RABGAP1L: variants seen among roughly 807,000 people sequenced by gnomAD.
The protein encoded by RABGAP1L is rab GTPase-activating protein 1-like.
Under a neutral mutation model 137.7 loss-of-function variants are expected in RABGAP1L, and 63 were observed. The observed-to-expected ratio is 0.46, with a 90% confidence interval of 0.37 to 0.56. The LOEUF (loss-of-function observed/expected upper bound fraction) is 0.56. Ranked by LOEUF, RABGAP1L falls within the 20% of genes least tolerant of loss-of-function variation. The probability of loss-of-function intolerance (pLI) is 0.00; values close to 1 mark genes in which losing one functional copy is unlikely to be tolerated. For missense variants in RABGAP1L, 1,095 were observed against 1,244.0 expected (o/e 0.88, Z 1.80); for synonymous variants, 431 against 433.7 (o/e 0.99, Z 0.08).
intron 1 of RABGAP1L, among the ~76,000 whole-genome samples, chr1:174,200,867 T>C (rs12691474): frequency 0.5 from 75,991 of 152,058 alleles, 21,510 homozygotes; most frequent in African/African-American, 0.78. Flanking sequence ...TGTCTTTTGT[T>C]TTGAAAAAAG....
At chr1:174,162,755 T>G (rs77793145) in intron 1 of RABGAP1L, among the ~76,000 whole-genome samples, 2 of 137,002 alleles carry the variant, frequency 1.5e-5, no homozygotes, top group Non-Finnish European at 3.1e-5. Context: ...TGGTATTTCT[T>G]TTTTTTTTTT....
intron 20 of RABGAP1L, among the ~76,000 whole-genome samples, chr1:174,968,519 T>C (rs868005963): frequency 1.3e-5 from 2 of 152,018 alleles, no homozygotes; most frequent in Non-Finnish European, 2.9e-5. Flanking sequence ...TTTTCTTTCT[T>C]TTTGTTTGTT....
intron 14 of RABGAP1L, among the ~76,000 whole-genome samples, chr1:174,641,109 T>C (rs1489860585): frequency 6.6e-6 from 1 of 151,746 alleles, no homozygotes; most frequent in East Asian, 1.9e-4. Flanking sequence ...ACTGGAGATA[T>C]AATATGCTGT....
chr1:174,289,874 C>T (rs567054241), intron 10 of RABGAP1L, among the ~76,000 whole-genome samples: 5 of 152,026 alleles, frequency 3.3e-5, no homozygotes, highest in Non-Finnish European at 7.4e-5. Context: ...CAAAGTTAGG[C>T]GGGGTTGCTG....
chr1:174,963,510 G>A (rs184314993), intron 20 of RABGAP1L, among the ~76,000 whole-genome samples: 12 of 152,076 alleles, frequency 7.9e-5, no homozygotes, highest in Non-Finnish European at 1.3e-4. Flanking sequence ...GATCTTCAGA[G>A]TTTTCAAGAA....
chr1:174,358,817 G>T (rs1683880658), intron 11 of RABGAP1L, among the ~76,000 whole-genome samples: 1 of 152,086 alleles, frequency 6.6e-6, no homozygotes, highest in Admixed American at 6.6e-5. Context: ...CACTCATTCA[G>T]GAAATTTTGA....
At chr1:174,345,103 T>C (rs938128888) in intron 11 of RABGAP1L, among the ~76,000 whole-genome samples, 4 of 152,194 alleles carry the variant, frequency 2.6e-5, no homozygotes, top group Non-Finnish European at 5.9e-5. Flanking sequence ...TATAGACATA[T>C]GGATTTATTT....
chr1:174,354,682 AT>A (rs1303200408), intron 11 of RABGAP1L, among the ~76,000 whole-genome samples: 3 of 152,046 alleles, frequency 2.0e-5, no homozygotes, highest in Non-Finnish European at 4.4e-5. Context: ...CCATTTGTCA[AT>A]TTTGGCTTTT....
At chr1:174,438,728 A>G (rs560121961) in intron 13 of RABGAP1L, among the ~76,000 whole-genome samples, 1 of 117,600 alleles carries the variant, frequency 8.5e-6, no homozygotes, top group African/African-American at 4.0e-5. Context: ...AAAAAACCCA[A>G]AAAAAGTGTG....
Position 174,744,090 on chromosome 1 carries a change from TAAAAAAAAAAA to T in RABGAP1L, c.2170-8206_2170-8196del, listed in dbSNP as rs10694829. ...CTACTATGTTGGTCTGTGAAATACGTAAAAAAAAAAAAAAAAAAAAAAAAAAAGCGATTGAT... is the reference window on the plus strand; with the variant it reads ...CTACTATGTTGGTCTGTGAAATACGTAAAAAAAAAAAAAAAAGCGATTGAT... On this transcript the variant is annotated intron_variant, in intron 17 of 25. Coordinates refer to ENST00000681986, the MANE Select transcript of RABGAP1L (RefSeq NM_001366446.1). Among the ~76,000 whole-genome samples the T allele has an allele frequency of 2.7e-4, 12 of 45,134 alleles. No homozygotes were observed. In the South Asian group the frequency reaches 5.2e-3, roughly 19 times the overall value. 29.6% of individuals were successfully genotyped at this position (45,134 alleles called of 152,430 possible). A position where few individuals can be genotyped will look rare whatever the true frequency, so the allele number is the denominator to read the frequency against.
chr1:174,597,915 C>G (rs2148155721), intron 13 of RABGAP1L, among the ~76,000 whole-genome samples: 2 of 152,240 alleles, frequency 1.3e-5, no homozygotes, highest in Middle Eastern at 3.4e-3. Flanking sequence ...ACTCACTGGT[C>G]ATTCAGCAGC....
At chr1:174,804,681 A>G (rs1399804290) in intron 18 of RABGAP1L, among the ~76,000 whole-genome samples, 1 of 152,180 alleles carries the variant, frequency 6.6e-6, no homozygotes, top group Non-Finnish European at 1.5e-5. Flanking sequence ...TGTTAAAATT[A>G]GTGTTATCTG....
intron 3 of RABGAP1L, among the ~76,000 whole-genome samples, chr1:174,222,890 A>G (rs1571622852): frequency 1.3e-5 from 2 of 151,994 alleles, no homozygotes; most frequent in African/African-American, 4.8e-5. Flanking sequence ...AATCCCAGCA[A>G]TTTGGGAGGG....
At chr1:174,830,803 A>G (rs1214979059) in intron 19 of RABGAP1L, among the ~76,000 whole-genome samples, 2 of 148,290 alleles carry the variant, frequency 1.3e-5, no homozygotes, top group Non-Finnish European at 3.0e-5. Flanking sequence ...ACAAAACAAA[A>G]ATACTTCACA....
intron 19 of RABGAP1L, among the ~76,000 whole-genome samples, chr1:174,909,612 T>C (rs541097752): frequency 2.6e-5 from 4 of 152,200 alleles, no homozygotes; most frequent in African/African-American, 9.6e-5. Context: ...GTGAAAGTGG[T>C]TTTTATGGAA....
At chr1:174,818,691 C>T (rs571801436) in intron 19 of RABGAP1L, among the ~76,000 whole-genome samples, 53 of 151,754 alleles carry the variant, frequency 3.5e-4, no homozygotes, top group Middle Eastern at 6.8e-3. Flanking sequence ...GCCTGGGCAA[C>T]GAAGTGAGAC....
chr1:174,397,781 G>A (rs1323549231), intron 13 of RABGAP1L, among the ~76,000 whole-genome samples: 3 of 152,144 alleles, frequency 2.0e-5, no homozygotes, highest in African/African-American at 7.2e-5. Context: ...CAGACTGCCA[G>A]CTTTGTTCAA....
chr1:174,482,976 T>C (rs899334312), intron 13 of RABGAP1L, among the ~76,000 whole-genome samples: 1 of 152,138 alleles, frequency 6.6e-6, no homozygotes, highest in African/African-American at 2.4e-5. Flanking sequence ...AATTACCCTT[T>C]AGCATTTTTT....
intron 19 of RABGAP1L, among the ~76,000 whole-genome samples, chr1:174,925,811 A>T (rs1375189886): frequency 6.9e-6 from 1 of 144,250 alleles, no homozygotes; most frequent in East Asian, 2.0e-4. Flanking sequence ...GAGATAGAGA[A>T]CCTGATTTTT....
Sources: allele counts gnomAD v4.1 joint callset (sites outside exome capture counted in the v4.1 genomes callset), GRCh38; gene constraint gnomAD v4.1.1; transcripts MANE v1.5; gene names NCBI Gene and HGNC (gene_info 2026-07-23, HGNC 2026-07-21).